The following CDS1 variants were observed in gnomAD, a reference collection of about 807,000 sequenced individuals.
CDS1 encodes phosphatidate cytidylyltransferase 1.
CDS1 carries 41 observed loss-of-function variants against 62.1 expected under a neutral mutation model. That is an observed-to-expected ratio of 0.66 (90% confidence interval 0.51 to 0.86). CDS1 has a LOEUF of 0.86. CDS1 is among the 40% of genes least tolerant of loss of function. The probability of loss-of-function intolerance (pLI) is 0.00; values close to 1 mark genes in which losing one functional copy is unlikely to be tolerated. For missense variants in CDS1, 470 were observed against 550.1 expected, an observed-to-expected ratio of 0.85 and a Z score of 1.46; for synonymous variants, 185 against 192.6, an observed-to-expected ratio of 0.96 and a Z score of 0.32.
At chr4:84,596,274 CTT>C (rs2110039073) in intron 1 of CDS1, among the ~76,000 whole-genome samples, 1 of 152,274 alleles carries the variant, frequency 6.6e-6, no homozygotes, top group East Asian at 1.9e-4. Context: ...TCACTAAAAA[CTT>C]AGTGTCTTAA....
At chr4:84,601,652 C>G (rs1429171122) in intron 1 of CDS1, among the ~76,000 whole-genome samples, 1 of 152,110 alleles carries the variant, frequency 6.6e-6, no homozygotes, top group Non-Finnish European at 1.5e-5. Context: ...GTGGCTCACC[C>G]CTGTAATCCC....
chr4:84,603,548 A>T (rs1452297158), intron 1 of CDS1, among the ~76,000 whole-genome samples: 2 of 152,170 alleles, frequency 1.3e-5, no homozygotes, highest in Non-Finnish European at 2.9e-5. Flanking sequence ...AATTGCATTG[A>T]TCACCCTATC....
At chr4:84,592,354 G>A (rs1020591838) in intron 1 of CDS1, among the ~76,000 whole-genome samples, 1 of 151,766 alleles carries the variant, frequency 6.6e-6, no homozygotes, top group Non-Finnish European at 1.5e-5. Context: ...TGTATTTTTA[G>A]TAGAGATGGG....
intron 5 of CDS1, among the ~76,000 whole-genome samples, chr4:84,631,282 A>T (rs921507327): frequency 6.6e-6 from 1 of 152,104 alleles, no homozygotes; most frequent in African/African-American, 2.4e-5. Flanking sequence ...TCATCTGTAA[A>T]ATGGAGCTAA....
At chr4:84,589,165 C>T (rs1428929760) in intron 1 of CDS1, among the ~76,000 whole-genome samples, 2 of 152,150 alleles carry the variant, frequency 1.3e-5, no homozygotes, top group African/African-American at 4.8e-5. Flanking sequence ...CACCGACTTT[C>T]CCGTAAGGTT....
At chr4:84,593,316 T>C (rs1388203155) in intron 1 of CDS1, among the ~76,000 whole-genome samples, 1 of 152,116 alleles carries the variant, frequency 6.6e-6, no homozygotes, top group Non-Finnish European at 1.5e-5. Flanking sequence ...GGGTGACTTA[T>C]CCCCTCAGAG....
At chr4:84,646,954 G>C (rs1724575060) in intron 12 of CDS1, among the ~76,000 whole-genome samples, 1 of 151,956 alleles carries the variant, frequency 6.6e-6, no homozygotes, top group Admixed American at 6.6e-5. Context: ...GGTTGTATTA[G>C]GTATGTACAA....
chr4:84,604,265 A>G lies in CDS1; in HGVS notation c.140A>G (p.Tyr47Cys), dbSNP rs775124128. ...TAGGAAACAGATATTGATGACAGATATGGAGATTTGGATTCCAGAACAGAT... is the reference window on the plus strand; with the variant it reads ...TAGGAAACAGATATTGATGACAGATGTGGAGATTTGGATTCCAGAACAGAT... Reference protein sequence around the residue: ...SDKETDIDDRYGDLDSRTDSD... With the variant: ...SDKETDIDDRCGDLDSRTDSD... Residue 47 changes from tyrosine to cysteine, a missense_variant, in exon 2 of 13, where the codon TAT (tyrosine) becomes TGT (cysteine). Tyr to Cys is a radical substitution (Grantham distance 194). Around this residue, in one of 5 missense-constraint regions of CDS1, gnomAD observed 150 missense variants for 142.0 expected, o/e 1.06. Transcript: ENST00000295887. 2.8e-5 allele frequency: 45 copies of G among 1,612,414 alleles called. No individual in the cohort carries two copies. Among genetic ancestry groups the G allele is most frequent in the Non-Finnish European group, 3.6e-5 (43 of 1,179,192 alleles).
At chr4:84,633,374 A>T (rs1724083437) in intron 6 of CDS1, among the ~76,000 whole-genome samples, 1 of 152,224 alleles carries the variant, frequency 6.6e-6, no homozygotes, top group Non-Finnish European at 1.5e-5. Flanking sequence ...GGGCAATTGA[A>T]CCCTGCTGGT....
intron 8 of CDS1, among the ~76,000 whole-genome samples, chr4:84,638,207 T>C (rs975595779): frequency 3.9e-5 from 6 of 152,194 alleles, no homozygotes; most frequent in Non-Finnish European, 8.8e-5. Context: ...ACTTCTAGAT[T>C]TTTTTCCAGA....
chr4:84,587,240 G>T (rs1349142520), intron 1 of CDS1, among the ~76,000 whole-genome samples: 1 of 151,894 alleles, frequency 6.6e-6, no homozygotes, highest in Admixed American at 6.6e-5. Context: ...ATATAATTTG[G>T]TATATATACA....
Position 84,638,809 on chromosome 4 carries a change from A to G in CDS1, c.811-115A>G, listed in dbSNP as rs1578052507. 9 of 292,796 alleles carry G rather than the reference A, an allele frequency of 3.1e-5. No individual in the cohort carries two copies. In the East Asian group the frequency reaches 4.5e-4, roughly 15 times the overall value. The allele number at this position is 292,796 out of a possible 1,614,324, so 18.1% of individuals were successfully genotyped here. On this transcript the variant is annotated intron_variant, in intron 8 of 12. Transcript: ENST00000295887. ...GTTTTGAACTATTCCAATAAGAGAA[A>G]AAGTAAGGAGAGATGTACAAGTTAT...
chr4:84,610,672 G>C (rs1578030610), intron 3 of CDS1, among the ~76,000 whole-genome samples: 1 of 152,300 alleles, frequency 6.6e-6, no homozygotes, highest in African/African-American at 2.4e-5. Context: ...ATTTTGGTCA[G>C]TGATAGACAA....
chr4:84,629,147 C>T (rs1048976651), intron 5 of CDS1, among the ~76,000 whole-genome samples: 3 of 151,824 alleles, frequency 2.0e-5, no homozygotes, highest in African/African-American at 7.3e-5. Flanking sequence ...AAAAAGTGAC[C>T]GTTTCCACAG....
chr4:84,648,712 CAAG>C lies in CDS1; in HGVS notation c.*30_*32del, dbSNP rs556508311. 3.4e-3 allele frequency: 5,382 copies of C among 1,591,392 alleles called. 12 individuals are homozygous for C. The highest frequency in any genetic ancestry group is 4.2e-3 in the Non-Finnish European group (4,908 of 1,170,310). ...CTGGATCCAGAGAGGGAAGGACTGACAAGAAGGAATTATTCAGAAAAACACTGA... is the reference window on the plus strand; with the variant it reads ...CTGGATCCAGAGAGGGAAGGACTGACAAGGAATTATTCAGAAAAACACTGA... On this transcript the variant is annotated 3_prime_UTR_variant, in exon 13 of 13. Coordinates refer to ENST00000295887, the MANE Select transcript of CDS1 (RefSeq NM_001263.4).
intron 5 of CDS1, among the ~76,000 whole-genome samples, chr4:84,629,728 G>C (rs1409204247): frequency 6.6e-6 from 1 of 152,098 alleles, no homozygotes; most frequent in Non-Finnish European, 1.5e-5. Flanking sequence ...CTGTATCTAG[G>C]AGTCAGACAA....
At chr4:84,599,462 C>T (rs1392682561) in intron 1 of CDS1, among the ~76,000 whole-genome samples, 7 of 129,646 alleles carry the variant, frequency 5.4e-5, no homozygotes, top group South Asian at 2.4e-4. Flanking sequence ...GCCTATGAAG[C>T]CATCATTATA....
rs561370904 is a variant in CDS1 at position 84,615,285 on chromosome 4, C to G, written c.343-2279C>G. On this transcript the variant is annotated intron_variant, in intron 3 of 12. Coordinates refer to ENST00000295887, the MANE Select transcript of CDS1 (RefSeq NM_001263.4). ...CTTCTCTACTCCGCTACCACTTCAC[C>G]TGGATAGTGAAGTGGCATCTTGCCT... 2.6e-5 allele frequency among the ~76,000 whole-genome samples: 4 copies of G among 152,160 alleles called. No homozygotes were observed. In the South Asian group the frequency reaches 6.2e-4, roughly 24 times the overall value.
chr4:84,611,488 A>G (rs1431079085), intron 3 of CDS1, among the ~76,000 whole-genome samples: 1 of 151,944 alleles, frequency 6.6e-6, no homozygotes, highest in African/African-American at 2.4e-5. Context: ...GAGCTATATG[A>G]TATGGTTTTC....
Sources: gnomAD v4.1 joint callset for allele counts (sites outside exome capture counted in the v4.1 genomes callset) on GRCh38, gnomAD v4.1.1 for gene constraint, gnomAD v4.1.1 regional missense constraint, MANE v1.5 for transcripts, NCBI Gene and HGNC (gene_info 2026-07-23, HGNC 2026-07-21) for gene names.